The following POU6F1 variants were observed in gnomAD, a reference collection of about 807,000 sequenced individuals.
POU6F1 encodes the protein POU class 6 homeobox 1, also known as POU domain, class 6, transcription factor 1.
In POU6F1, 9 loss-of-function variants were observed where a neutral mutation model predicts 28.9. The observed-to-expected ratio is 0.31, with a 90% CI of 0.19 to 0.54. POU6F1 has a LOEUF of 0.54. Among genes scored for constraint, POU6F1 ranks in the 20% least tolerant of loss-of-function variants. POU6F1 has a pLI of 0.94. For missense variants in POU6F1, 338 were observed against 426.1 expected (o/e 0.79, Z 1.82); for synonymous variants, 173 against 171.1 (o/e 1.01, Z -0.09).
chr12:51,206,559 T>C (rs950597039), intron 2 of POU6F1, among the ~76,000 whole-genome samples: 2 of 152,040 alleles, frequency 1.3e-5, no homozygotes, highest in Admixed American at 6.5e-5. Context: ...CCTTTCCCCA[T>C]GTAAACTTAA....
chr12:51,207,154 G>A (rs943670683), intron 1 of POU6F1: 2 of 190,142 alleles, frequency 1.1e-5, no homozygotes, highest in South Asian at 3.9e-4. Context: ...CACTCGAGTA[G>A]CTGGGATTAC....
intron 1 of POU6F1, among the ~76,000 whole-genome samples, chr12:51,212,942 GT>G (rs905439402): frequency 9.5e-5 from 14 of 146,958 alleles, no homozygotes; most frequent in South Asian, 2.2e-4. Flanking sequence ...TAATGCAGTT[GT>G]TTTTTTTTTT....
intron 1 of POU6F1, among the ~76,000 whole-genome samples, chr12:51,212,776 CAAA>C (rs1176606531): frequency 8.0e-5 from 3 of 37,696 alleles, no homozygotes; most frequent in Non-Finnish European, 1.3e-4. Flanking sequence ...AACTCCGTCT[CAAA>C]AAAAAAAAAA....
At position 51,199,909 on chromosome 12, in the gene POU6F1, C is replaced by A. The variant is rs201684912; in HGVS notation, c.245-41G>T. The stretch of plus-strand genomic sequence containing the variant: ...AGAGAAAGAAGGACAAGGAGTGAGC[C>A]TGACGTGAGTGGAGGGGTCACCACA... On this transcript the variant is annotated intron_variant, in intron 3 of 10. Transcript: ENST00000333640. This position sits in a 1 kb window ranked among gnomAD's most constrained non-coding sequence, Gnocchi z 4.1. 1.0e-5 allele frequency: 4 copies of A among 399,270 alleles called. No individual in the cohort carries two copies. Among genetic ancestry groups the A allele is most frequent in the Non-Finnish European group, 1.8e-5 (4 of 226,222 alleles). The allele number at this position is 399,270 out of a possible 1,614,324, so 24.7% of individuals were successfully genotyped here. A position where few individuals can be genotyped will look rare whatever the true frequency, so the allele number is the denominator to read the frequency against.
intron 1 of POU6F1, among the ~76,000 whole-genome samples, chr12:51,210,456 A>G (rs180951150): frequency 7.2e-5 from 11 of 152,310 alleles, no homozygotes; most frequent in African/African-American, 1.2e-4. Flanking sequence ...CAATCTTTGT[A>G]GGACAACAAG....
chr12:51,216,844 G>A (rs748847463), intron 1 of POU6F1, among the ~76,000 whole-genome samples: 1 of 152,098 alleles, frequency 6.6e-6, no homozygotes, highest in African/African-American at 2.4e-5. Context: ...CTGCCCAGCC[G>A]CAGAGGCTAT....
intron 8 of POU6F1, among the ~76,000 whole-genome samples, chr12:51,192,786 T>C (rs1038421316): frequency 2.0e-5 from 3 of 152,106 alleles, no homozygotes; most frequent in African/African-American, 7.2e-5. Flanking sequence ...GTGCCTATAA[T>C]TCCAGCTACT....
chr12:51,189,664 C>T lies in POU6F1; in HGVS notation c.*583G>A, dbSNP rs1362196426. 1 of 154,178 alleles carries T rather than the reference C, an allele frequency of 6.5e-6. No individual in the cohort carries two copies. Among genetic ancestry groups the T allele is most frequent in the Non-Finnish European group, 1.4e-5 (1 of 69,194 alleles). 9.6% of individuals were successfully genotyped at this position (154,178 alleles called of 1,614,324 possible). A position where few individuals can be genotyped will look rare whatever the true frequency, so the allele number is the denominator to read the frequency against. ...GAACCTTCTGACCTTGAGGTCAAGG[C>T]AGACATGGAGTCTGACCTTCTGAGC... On this transcript the variant is annotated 3_prime_UTR_variant, in exon 11 of 11. Transcript: ENST00000333640.
intron 10 of POU6F1, 79 bp downstream of exon 10, chr12:51,191,517 G>A: frequency 6.6e-7 from 1 of 1,508,060 alleles, no homozygotes; most frequent in African/African-American, 1.4e-5. Flanking sequence ...AAAGGGGCCG[G>A]TGCTCAGGTT....
At chr12:51,215,009 C>T (rs992696082) in intron 1 of POU6F1, among the ~76,000 whole-genome samples, 3 of 152,030 alleles carry the variant, frequency 2.0e-5, no homozygotes, top group African/African-American at 7.2e-5. Flanking sequence ...TAGGTATGTT[C>T]CTAGTAGACT....
chr12:51,192,492 A>G, intron 8 of POU6F1, 21 bp from the exon 9 acceptor site: 1 of 1,609,782 alleles, frequency 6.2e-7, no homozygotes, highest in Non-Finnish European at 8.5e-7. Flanking sequence ...ACAGACAACA[A>G]GCCTTTGCTG....
At chr12:51,211,663 GGATT>G (rs1359609051) in intron 1 of POU6F1, among the ~76,000 whole-genome samples, 9 of 152,142 alleles carry the variant, frequency 5.9e-5, no homozygotes, top group Non-Finnish European at 1.2e-4. Context: ...TGAGGTAGGA[GGATT>G]GATTGAGCCC....
intron 2 of POU6F1, 58 bp from the exon 3 acceptor site, chr12:51,204,426 A>G (rs1943435096): frequency 2.5e-6 from 1 of 398,750 alleles, no homozygotes; most frequent in Non-Finnish European, 4.4e-6. Flanking sequence ...CGCAGGGTCC[A>G]AAGCTCTGGG....
chr12:51,198,978 C>A (rs4076884), intron 4 of POU6F1, among the ~76,000 whole-genome samples: 19,680 of 152,204 alleles, frequency 0.13, 1,677 homozygotes, highest in Middle Eastern at 0.21. Context: ...GACTATCCTG[C>A]CTTCAGAGAA....
At chr12:51,214,496 G>C (rs541097199) in intron 1 of POU6F1, among the ~76,000 whole-genome samples, 1 of 152,282 alleles carries the variant, frequency 6.6e-6, no homozygotes, top group East Asian at 1.9e-4. Context: ...CTGGAAAACA[G>C]AGGATCTCAA....
chr12:51,194,988 ACT>A (rs1468803024), intron 8 of POU6F1, among the ~76,000 whole-genome samples: 1 of 152,062 alleles, frequency 6.6e-6, no homozygotes, highest in African/African-American at 2.4e-5. Context: ...TGAATAAGAA[ACT>A]CTGAGGTGGG....
At chr12:51,204,501 C>G in intron 2 of POU6F1, 133 bp from the exon 3 acceptor site, 2 of 397,086 alleles carry the variant, frequency 5.0e-6, no homozygotes, top group East Asian at 3.6e-5. Context: ...GGGCTGTGTG[C>G]TCTGTGAGAA....
At chr12:51,198,422 C>T (rs569790220) in intron 5 of POU6F1, 128 bp downstream of exon 5, 50 of 397,992 alleles carry the variant, frequency 1.3e-4, no homozygotes, top group African/African-American at 7.4e-4. Flanking sequence ...CCCAAGACAC[C>T]GGATCCAGAC....
At chr12:51,201,735 G>C (rs1415011137) in intron 3 of POU6F1, 1 of 152,076 alleles carries the variant, frequency 6.6e-6, no homozygotes, top group Non-Finnish European at 1.5e-5. Flanking sequence ...GGACCATGGA[G>C]TCCAAGGTTT....
Sources: gnomAD v4.1 joint callset for allele counts (sites outside exome capture counted in the v4.1 genomes callset) on GRCh38, gnomAD v4.1.1 for gene constraint, Gnocchi (gnomAD v3.1) non-coding constraint, MANE v1.5 for transcripts, NCBI Gene and HGNC (gene_info 2026-07-23, HGNC 2026-07-21) for gene names.